The following CSMD1 variants were observed in gnomAD, a reference collection of about 807,000 sequenced individuals.
The protein encoded by CSMD1 is CUB and sushi domain-containing protein 1.
A neutral mutation model predicts 417.5 loss-of-function variants in CSMD1; 213 were observed. That is an observed-to-expected ratio of 0.51 (90% CI 0.46 to 0.57). CSMD1 has a LOEUF of 0.57. Ranked by LOEUF, CSMD1 falls within the 20% of genes least tolerant of loss-of-function variation. The probability of loss-of-function intolerance (pLI) is 0.00; values close to 1 mark genes in which losing one functional copy is unlikely to be tolerated. For missense variants in CSMD1, 6,923 were observed against 4,529.7 expected, an observed-to-expected ratio of 1.53 and a Z score of -15.17; for synonymous variants, 2,862 against 1,736.8, an observed-to-expected ratio of 1.65 and a Z score of -16.11.
At chr8:4,571,236 G>C (rs1045636354) in intron 2 of CSMD1, among the ~76,000 whole-genome samples, 4 of 152,012 alleles carry the variant, frequency 2.6e-5, no homozygotes, top group Non-Finnish European at 5.9e-5. Context: ...GTGATGTTAG[G>C]GCATCGATTT....
At chr8:4,848,155 A>C (rs1373784141) in intron 1 of CSMD1, among the ~76,000 whole-genome samples, 1 of 152,166 alleles carries the variant, frequency 6.6e-6, no homozygotes, top group Admixed American at 6.5e-5. Context: ...TTAGTACTTC[A>C]TTCTTGGTCT....
At chr8:3,396,790 T>A (rs1811728605) in intron 16 of CSMD1, among the ~76,000 whole-genome samples, 2 of 152,248 alleles carry the variant, frequency 1.3e-5, no homozygotes, top group South Asian at 4.2e-4. Flanking sequence ...AACATAATTA[T>A]AGACATCTTA....
At chr8:3,936,167 C>T (rs1410503121) in intron 5 of CSMD1, among the ~76,000 whole-genome samples, 1 of 127,420 alleles carries the variant, frequency 7.8e-6, no homozygotes, top group Admixed American at 8.7e-5. Flanking sequence ...TACCAGATGT[C>T]AGTTCATAGG....
intron 20 of CSMD1, among the ~76,000 whole-genome samples, chr8:3,364,124 T>C (rs1809392747): frequency 6.6e-6 from 1 of 152,114 alleles, no homozygotes; most frequent in Non-Finnish European, 1.5e-5. Context: ...AAATGCCTCA[T>C]TTGTATAATA....
At chr8:4,594,195 C>CTTTTTTTTTT (rs771415822) in intron 2 of CSMD1, among the ~76,000 whole-genome samples, 1,581 of 92,342 alleles carry the variant, frequency 0.017, 202 homozygotes, top group East Asian at 0.025. Flanking sequence ...CTAAAGTGAT[C>CTTTTTTTTTT]TTTTTTTTTT....
At chr8:2,946,955 T>G (rs1385992875) in intron 68 of CSMD1, among the ~76,000 whole-genome samples, 1 of 152,204 alleles carries the variant, frequency 6.6e-6, no homozygotes, top group East Asian at 1.9e-4. Flanking sequence ...TGGTTTTGAT[T>G]TGCATTTCCC....
At chr8:4,534,178 G>A (rs73661508) in intron 2 of CSMD1, among the ~76,000 whole-genome samples, 6 of 152,108 alleles carry the variant, frequency 3.9e-5, no homozygotes, top group East Asian at 1.9e-4. Flanking sequence ...GAAAGCATTC[G>A]CTAGGGAGCA....
chr8:3,219,531 A>T lies in CSMD1; in HGVS notation c.4485-89T>A, dbSNP rs985442944. 4 of 970,492 alleles carry T rather than the reference A, an allele frequency of 4.1e-6. No individual in the cohort carries two copies. In the African/African-American group the frequency reaches 6.8e-5, roughly 16 times the overall value. The allele number at this position is 970,492 out of a possible 1,614,324, so 60.1% of individuals were successfully genotyped here. A position where few individuals can be genotyped will look rare whatever the true frequency, so the allele number is the denominator to read the frequency against. On this transcript the variant is annotated intron_variant, in intron 28 of 69. Transcript: ENST00000635120. ...GCCTTTGAGCTCAGAAAGTGATTTT[A>T]TTTGCTTTTGTATAATGATTTTTCA... is the stretch of plus-strand genomic sequence containing the variant.
At chr8:4,839,845 A>T (rs1361017945) in intron 1 of CSMD1, among the ~76,000 whole-genome samples, 1 of 152,224 alleles carries the variant, frequency 6.6e-6, no homozygotes, top group Admixed American at 6.5e-5. Flanking sequence ...TGATGTTTGC[A>T]TGCTAGAATG....
intron 1 of CSMD1, among the ~76,000 whole-genome samples, chr8:4,683,952 G>T (rs951844651): frequency 1.1e-4 from 17 of 152,186 alleles, no homozygotes; most frequent in African/African-American, 3.1e-4. Flanking sequence ...TTAATCAAAA[G>T]ATATTTATCA....
chr8:4,027,436 G>C (rs1285163624), intron 4 of CSMD1, among the ~76,000 whole-genome samples: 1 of 152,202 alleles, frequency 6.6e-6, no homozygotes, highest in South Asian at 2.1e-4. Flanking sequence ...GATCATGGGG[G>C]TGGGTCCTCC....
chr8:3,462,373 G>A (rs1349483553), intron 12 of CSMD1, among the ~76,000 whole-genome samples: 1 of 152,136 alleles, frequency 6.6e-6, no homozygotes, highest in East Asian at 1.9e-4. Flanking sequence ...GGCCTGCTAG[G>A]AACTGGGCCA....
chr8:4,620,476 G>A (rs745466164), intron 2 of CSMD1, among the ~76,000 whole-genome samples: 1 of 151,452 alleles, frequency 6.6e-6, no homozygotes, highest in Admixed American at 6.6e-5. Flanking sequence ...TTTTATAGCT[G>A]AACTATAAAA....
intron 5 of CSMD1, among the ~76,000 whole-genome samples, chr8:3,886,486 G>A (rs368902329): frequency 3.3e-5 from 5 of 152,168 alleles, no homozygotes; most frequent in African/African-American, 4.8e-5. Flanking sequence ...TCAGCCATAC[G>A]GTCTCTGTCA....
At chr8:3,592,892 C>G (rs1800917619) in intron 8 of CSMD1, among the ~76,000 whole-genome samples, 2 of 152,018 alleles carry the variant, frequency 1.3e-5, no homozygotes, top group Non-Finnish European at 2.9e-5. Context: ...TGCTTCTCCA[C>G]TATAAGAAAT....
chr8:3,797,438 C>G (rs1800220883), intron 5 of CSMD1, among the ~76,000 whole-genome samples: 1 of 151,912 alleles, frequency 6.6e-6, no homozygotes, highest in African/African-American at 2.4e-5. Context: ...AGTTTCCATC[C>G]CTTCCCTCCA....
chr8:4,900,095 C>G (rs113679223), intron 1 of CSMD1, among the ~76,000 whole-genome samples: 17 of 152,230 alleles, frequency 1.1e-4, no homozygotes, highest in Middle Eastern at 6.8e-3. Context: ...CCACTGCAGA[C>G]TCACCTTCCA....
At chr8:3,991,389 A>T (rs544372402) in intron 5 of CSMD1, among the ~76,000 whole-genome samples, 1 of 152,316 alleles carries the variant, frequency 6.6e-6, no homozygotes, top group South Asian at 2.1e-4. Flanking sequence ...ACGGTTGCAT[A>T]TATAACCCTG....
intron 2 of CSMD1, among the ~76,000 whole-genome samples, chr8:4,589,068 G>T (rs1799856198): frequency 6.6e-6 from 1 of 151,796 alleles, no homozygotes; most frequent in African/African-American, 2.4e-5. Flanking sequence ...TGTAAAAATA[G>T]AAAAATAAAA....
Sources: allele counts gnomAD v4.1 joint callset (sites outside exome capture counted in the v4.1 genomes callset), GRCh38; gene constraint gnomAD v4.1.1; transcripts MANE v1.5; gene names NCBI Gene and HGNC (gene_info 2026-07-23, HGNC 2026-07-21).